The following IQCM variants were observed in gnomAD, a reference collection of about 807,000 sequenced individuals.
IQCM encodes the protein IQ domain-containing protein M.
Under a neutral mutation model 57.6 loss-of-function variants are expected in IQCM, and 45 were observed. That is an observed-to-expected ratio of 0.78 (90% CI 0.62 to 1.00). The LOEUF is 1.00. IQCM is among the 50% of genes least tolerant of loss of function. The probability of loss-of-function intolerance (pLI) is 0.00; values close to 1 mark genes in which losing one functional copy is unlikely to be tolerated. For missense variants in IQCM, 468 were observed against 511.6 expected (o/e 0.91, Z 0.82); for synonymous variants, 148 against 158.9 (o/e 0.93, Z 0.51).
At chr4:149,374,686 C>A (rs1730585838) in intron 13 of IQCM, among the ~76,000 whole-genome samples, 1 of 152,088 alleles carries the variant, frequency 6.6e-6, no homozygotes, top group African/African-American at 2.4e-5. Context: ...TGTTTGTTTG[C>A]TTTCCTGTTT....
intron 2 of IQCM, chr4:149,789,974 C>A: frequency 3.3e-6 from 1 of 306,208 alleles, no homozygotes. Context: ...AAAAGAAAGG[C>A]AGAAGAGAAG....
At chr4:149,579,556 C>T (rs765259687) in intron 9 of IQCM, among the ~76,000 whole-genome samples, 53 of 151,886 alleles carry the variant, frequency 3.5e-4, no homozygotes, top group Non-Finnish European at 5.9e-4. Flanking sequence ...ACTCTGGACA[C>T]ATTCAGAGGC....
At chr4:149,380,625 A>G (rs773596770) in intron 13 of IQCM, among the ~76,000 whole-genome samples, 2 of 152,156 alleles carry the variant, frequency 1.3e-5, no homozygotes, top group African/African-American at 2.4e-5. Flanking sequence ...TTGGAAAGTC[A>G]TCTTTATATA....
intron 7 of IQCM, among the ~76,000 whole-genome samples, chr4:149,640,035 A>G (rs1333964334): frequency 6.6e-6 from 1 of 152,236 alleles, no homozygotes; most frequent in African/African-American, 2.4e-5. Flanking sequence ...ACATGCAATA[A>G]GTTTAAAAAT....
chr4:149,383,897 G>A (rs546147305), intron 13 of IQCM, among the ~76,000 whole-genome samples: 9 of 152,190 alleles, frequency 5.9e-5, no homozygotes, highest in Admixed American at 2.0e-4. Flanking sequence ...AGGTTGCAGT[G>A]AGCCAAGATC....
chr4:149,592,681 C>T (rs1753319270), intron 8 of IQCM, among the ~76,000 whole-genome samples: 2 of 150,378 alleles, frequency 1.3e-5, no homozygotes, highest in African/African-American at 4.8e-5. Context: ...CATAGGCTAG[C>T]CAGTTTTCCC....
intron 13 of IQCM, among the ~76,000 whole-genome samples, chr4:149,426,949 T>C (rs1182433355): frequency 1.3e-5 from 2 of 151,934 alleles, no homozygotes; most frequent in Non-Finnish European, 2.9e-5. Context: ...CTATATAAGA[T>C]CAACAGCCTG....
chr4:149,589,654 C>G (rs1396811696), intron 8 of IQCM, among the ~76,000 whole-genome samples: 1 of 151,948 alleles, frequency 6.6e-6, no homozygotes, highest in African/African-American at 2.4e-5. Flanking sequence ...GACCTTTCTT[C>G]GGGAACACAA....
chr4:149,522,199 A>G (rs1579354150), intron 12 of IQCM, among the ~76,000 whole-genome samples: 1 of 152,114 alleles, frequency 6.6e-6, no homozygotes, highest in African/African-American at 2.4e-5. Flanking sequence ...TCCTGTCACT[A>G]CCAGCCAGTC....
intron 7 of IQCM, among the ~76,000 whole-genome samples, chr4:149,655,902 T>C (rs1164242387): frequency 6.6e-6 from 1 of 152,154 alleles, no homozygotes; most frequent in African/African-American, 2.4e-5. Flanking sequence ...AAAACTGAAA[T>C]GGTTTGATAA....
chr4:149,481,679 G>A (rs1740787223), intron 12 of IQCM, among the ~76,000 whole-genome samples: 1 of 19,332 alleles, frequency 5.2e-5, no homozygotes, highest in Admixed American at 4.8e-4. Flanking sequence ...TTGAAGTCAT[G>A]TAATGTGATT....
chr4:149,718,998 C>T (rs907333771), intron 5 of IQCM, among the ~76,000 whole-genome samples: 1 of 152,186 alleles, frequency 6.6e-6, no homozygotes, highest in Non-Finnish European at 1.5e-5. Flanking sequence ...GGCCATTATT[C>T]AGCCTACTAT....
chr4:149,571,373 A>G (rs962450581), intron 9 of IQCM, among the ~76,000 whole-genome samples: 1 of 152,134 alleles, frequency 6.6e-6, no homozygotes, highest in Non-Finnish European at 1.5e-5. Flanking sequence ...CATTGTGCTA[A>G]GTGAAATATG....
At chr4:149,443,043 G>A (rs951031679) in intron 12 of IQCM, among the ~76,000 whole-genome samples, 7 of 151,286 alleles carry the variant, frequency 4.6e-5, no homozygotes, top group African/African-American at 1.7e-4. Context: ...TGCTTGACTA[G>A]CCAAGTCCTA....
intron 12 of IQCM, among the ~76,000 whole-genome samples, chr4:149,443,660 T>C (rs1031698676): frequency 7.3e-5 from 5 of 68,652 alleles, no homozygotes; most frequent in African/African-American, 3.1e-4. Flanking sequence ...AAGCCAATGG[T>C]AAAGAAAGGA....
At chr4:149,405,530 C>T (rs1732914325) in intron 13 of IQCM, among the ~76,000 whole-genome samples, 1 of 151,014 alleles carries the variant, frequency 6.6e-6, no homozygotes, top group Non-Finnish European at 1.5e-5. Flanking sequence ...GCACATTGTG[C>T]ACATGTACCC....
chr4:149,686,305 A>T lies in IQCM; in HGVS notation c.476+73T>A, dbSNP rs1409675382. Reference sequence around the variant, plus strand: ...TAATAGAAAAACTTGAGAGACCATGACAATTGGTCAGGGAATATTGGCAAA... The same window carrying T: ...TAATAGAAAAACTTGAGAGACCATGTCAATTGGTCAGGGAATATTGGCAAA... On this transcript the variant is annotated intron_variant, in intron 6 of 13. Coordinates refer to ENST00000636793, the MANE Select transcript of IQCM (RefSeq NM_001363507.2). 4 of 641,460 alleles carry T rather than the reference A, an allele frequency of 6.2e-6. No homozygotes were observed. The Admixed American group carries it at 1.8e-4, about 28-fold the overall frequency. 39.7% of individuals were successfully genotyped at this position (641,460 alleles called of 1,614,324 possible). A position where few individuals can be genotyped will look rare whatever the true frequency, so the allele number is the denominator to read the frequency against.
intron 12 of IQCM, among the ~76,000 whole-genome samples, chr4:149,471,504 C>T (rs1315228976): frequency 1.3e-5 from 2 of 152,048 alleles, no homozygotes; most frequent in Middle Eastern, 3.2e-3. Context: ...AAAGTCCAGG[C>T]CCAGATGGAT....
At chr4:149,784,712 C>A (rs554562644) in intron 2 of IQCM, among the ~76,000 whole-genome samples, 3 of 152,272 alleles carry the variant, frequency 2.0e-5, no homozygotes, top group Admixed American at 1.3e-4. Context: ...CCGCGCCCGG[C>A]CTGAAAAAAA....
Sources: gnomAD v4.1 joint callset for allele counts (sites outside exome capture counted in the v4.1 genomes callset) on GRCh38, gnomAD v4.1.1 for gene constraint, MANE v1.5 for transcripts, NCBI Gene and HGNC (gene_info 2026-07-23, HGNC 2026-07-21) for gene names.